The following PUS1 variants were observed in gnomAD, a reference collection of about 807,000 sequenced individuals.
The protein encoded by PUS1 is pseudouridylate synthase 1 homolog.
PUS1 carries 25 observed loss-of-function variants against 38.5 expected under a neutral mutation model. The ratio of observed to expected loss-of-function variants is 0.65; its 90% CI spans 0.47 to 0.91. The LOEUF is 0.91. PUS1 is among the 40% of genes least tolerant of loss of function. The pLI, the probability that PUS1 is intolerant of heterozygous loss-of-function variation, is 0.00. For missense variants in PUS1, 597 were observed against 612.3 expected, an observed-to-expected ratio of 0.97 and a Z score of 0.26; for synonymous variants, 282 against 260.4, an observed-to-expected ratio of 1.08 and a Z score of -0.80.
Position 131,929,997 on chromosome 12 carries a change from C to T in PUS1, c.165C>T (p.Gly55=), listed in dbSNP as rs780061373. 9.4e-6 allele frequency: 14 copies of T among 1,482,928 alleles called. No homozygotes were observed. The Admixed American group carries it at 1.8e-4, about 19-fold the overall frequency. 91.9% of individuals were successfully genotyped at this position (1,482,928 alleles called of 1,614,324 possible). A position where few individuals can be genotyped will look rare whatever the true frequency, so the allele number is the denominator to read the frequency against. ...DRRSCSGRAG[G]DRVWEDGEHP... ...GGTCCTGCAGCGGCCGGGCCGGGGG[C>T]GACCGCGTCTGGGAGGACGGAGAAC... is the stretch of plus-strand genomic sequence containing the variant. The change falls in exon 2 of 6, where the codon GGC becomes GGT. Residue 55 remains glycine (G), a synonymous_variant. Coordinates refer to ENST00000376649, the MANE Select transcript of PUS1 (RefSeq NM_025215.6).
At chr12:131,938,686 C>G (rs1890934263) in intron 3 of PUS1, among the ~76,000 whole-genome samples, 1 of 150,880 alleles carries the variant, frequency 6.6e-6, no homozygotes, top group Admixed American at 6.6e-5. Context: ...TTTCTCTTTT[C>G]CCCAATCTTT....
rs1323131993 is a variant in PUS1, at chr12:131,929,302, G to T, written c.-421G>T. 1 of 190,568 alleles carries T rather than the reference G, an allele frequency of 5.2e-6. No homozygotes were observed. Among genetic ancestry groups the T allele is most frequent in the Non-Finnish European group, 1.1e-5 (1 of 93,474 alleles). 11.8% of individuals were successfully genotyped at this position (190,568 alleles called of 1,614,324 possible). A position where few individuals can be genotyped will look rare whatever the true frequency, so the allele number is the denominator to read the frequency against. On this transcript the variant is annotated 5_prime_UTR_variant, in exon 1 of 6. The change creates a premature stop within an existing upstream ORF in the 5' untranslated region. Coordinates refer to ENST00000376649, the MANE Select transcript of PUS1 (RefSeq NM_025215.6). The stretch of plus-strand genomic sequence containing the variant: ...GTCAGCCGCGTCGCGAATGGGGCAG[G>T]AGCGAGCCTCTCTGGTCCCGACGCG...
In PUS1 at chr12:131,929,584, TC is replaced by T. The variant is rs945880625; in HGVS notation, c.-136del. ...CTGGAGAGGGGCTGGGGCGCCGGTT[TC>T]CCGGAGGTCAGGGGTCAGAAGGAAC... is the stretch of plus-strand genomic sequence containing the variant. On this transcript the variant is annotated 5_prime_UTR_variant, in exon 1 of 6. Transcript: ENST00000376649. The T allele has an allele frequency of 8.5e-6, 6 of 703,254 alleles. No individual in the cohort carries two copies. Among genetic ancestry groups the T allele is most frequent in the Non-Finnish European group, 1.1e-5 (5 of 461,036 alleles). 43.6% of individuals were successfully genotyped at this position (703,254 alleles called of 1,614,324 possible).
chr12:131,939,478 C>T (rs747907339), intron 4 of PUS1, among the ~76,000 whole-genome samples: 6 of 152,290 alleles, frequency 3.9e-5, no homozygotes, highest in Middle Eastern at 3.4e-3. Flanking sequence ...TGTTGCTACA[C>T]GGGCGCCTTG....
At chr12:131,936,343 A>G (rs1890832042) in intron 3 of PUS1, among the ~76,000 whole-genome samples, 1 of 152,066 alleles carries the variant, frequency 6.6e-6, no homozygotes, top group Non-Finnish European at 1.5e-5. Context: ...TGGGCGGATC[A>G]CCTGAGGTCA....
rs753674809 is a variant in PUS1, at chr12:131,941,913, A to G, written c.1166A>G (p.Gln389Arg). 4.5e-5 allele frequency: 72 copies of G among 1,613,160 alleles called. No individual in the cohort carries two copies. In the East Asian group the frequency reaches 1.4e-3, roughly 32 times the overall value. Residue 389 changes from glutamine to arginine, a missense_variant, in exon 5 of 6, where the codon CAG (glutamine) becomes CGG (arginine). Coordinates refer to ENST00000376649, the MANE Select transcript of PUS1 (RefSeq NM_025215.6). This position sits in a 1 kb window ranked among gnomAD's most constrained non-coding sequence, Gnocchi z 4.4. ...GAGCGGGACGAACGCTCCATGGCCC[A>G]GTGGCTGAGCACCTTGCCCATCCAC... is the stretch of plus-strand genomic sequence containing the variant. ...GTERDERSMA[Q>R]WLSTLPIHNF... is the part of the protein sequence containing the mutation.
Position 131,941,449 on chromosome 12 carries a change from G to C in PUS1, c.702G>C (p.Arg234Ser), listed in dbSNP as rs780957532. 8 of 1,612,978 alleles carry C rather than the reference G, an allele frequency of 5.0e-6. No homozygotes were observed. The highest frequency in any genetic ancestry group is 3.3e-5 in the Admixed American group (2 of 60,002). The stretch of plus-strand genomic sequence containing the variant: ...CCGAGACGCTGCAGCAGGTCAACAG[G>C]CTCCTGGCCTGCTACAAGGGCACGC... Reference protein sequence around the residue: ...LSAETLQQVNRLLACYKGTHN... With the variant: ...LSAETLQQVNSLLACYKGTHN... Residue 234 changes from arginine to serine, a missense_variant, in exon 5 of 6, where the codon AGG becomes AGC. By Grantham distance (110) the Arg-to-Ser change is moderately radical (BLOSUM62 -1). Transcript: ENST00000376649. This position sits in a 1 kb window ranked among gnomAD's most constrained non-coding sequence, Gnocchi z 4.4.
intron 5 of PUS1, 122 bp from the exon 6 acceptor site, chr12:131,943,417 T>A (rs1891174086): frequency 2.4e-6 from 2 of 824,138 alleles, no homozygotes; most frequent in East Asian, 2.5e-5. Flanking sequence ...CAGACTCTGC[T>A]CCTGATGAGG....
At chr12:131,929,851 C>T (rs1890505983) in intron 1 of PUS1, 55 bp downstream of exon 1, 6 of 1,481,692 alleles carry the variant, frequency 4.0e-6, no homozygotes, top group Non-Finnish European at 5.4e-6. Context: ...CAGCCCACCC[C>T]AGTCCACCCC....
At chr12:131,932,454 G>A in intron 3 of PUS1, 142 bp downstream of exon 3, 1 of 978,062 alleles carries the variant, frequency 1.0e-6, no homozygotes, top group Non-Finnish European at 1.6e-6. Flanking sequence ...TTATGTAGGT[G>A]AGACGTCCAG....
rs1890969235 is a variant in PUS1 at position 131,939,307 on chromosome 12, T to C, written c.544+32T>C. ...CTTGCAGTGCAGGCGGCCACACACC[T>C]GGTTGTAGATGGTCTTGCAGAGACA... On this transcript the variant is annotated intron_variant, in intron 4 of 5. Transcript: ENST00000376649. 2.3e-6 allele frequency: 3 copies of C among 1,323,392 alleles called. No individual in the cohort carries two copies. The East Asian group carries it at 7.5e-5, about 33-fold the overall frequency. 82.0% of individuals were successfully genotyped at this position (1,323,392 alleles called of 1,614,324 possible). A position where few individuals can be genotyped will look rare whatever the true frequency, so the allele number is the denominator to read the frequency against.
chr12:131,943,041 T>G (rs1306817283), intron 5 of PUS1, among the ~76,000 whole-genome samples: 1 of 152,236 alleles, frequency 6.6e-6, no homozygotes, highest in African/African-American at 2.4e-5. Flanking sequence ...TGTTGGAATG[T>G]GACAGTGACC....
chr12:131,929,757 T>A lies in PUS1; in HGVS notation c.35T>A (p.Phe12Tyr). The change falls in exon 1 of 6, where the codon TTC becomes TAC. Residue 12 changes from phenylalanine to tyrosine, a missense_variant. Physicochemically the swap from Phe to Tyr is conservative, Grantham distance 22 (BLOSUM62 3). Coordinates refer to ENST00000376649, the MANE Select transcript of PUS1 (RefSeq NM_025215.6). ...GLQLRALLGA[F>Y]GRWTLRLGPR... ...CAGCTTCGCGCGCTGTTGGGAGCCTTCGGACGGTGGACCCTGCGCCTGGGA... is the reference window on the plus strand; with the variant it reads ...CAGCTTCGCGCGCTGTTGGGAGCCTACGGACGGTGGACCCTGCGCCTGGGA... 6.3e-7 allele frequency: 1 copy of A among 1,592,626 alleles called. No homozygotes were observed.
At position 131,929,910 on chromosome 12, in the gene PUS1, GC is replaced by G; in HGVS notation, c.80del (p.Pro27ArgfsTer108). Reference protein sequence around the residue: ...LRLGPRPSCSPRMAGNAEPPP... With the variant: ...LRLGPRPSCSXRMAGNAEPPP... ...CTCACGCCGCCCTTCTCCGCAGCTC[GC>G]CGCGCATGGCCGGGAACGCGGAGCC... is the stretch of plus-strand genomic sequence containing the variant. On this transcript the variant is annotated frameshift_variant, in exon 2 of 6. Coordinates refer to ENST00000376649, the MANE Select transcript of PUS1 (RefSeq NM_025215.6). LOFTEE classifies it high-confidence loss of function. The G allele has an allele frequency of 1.4e-6, 2 of 1,455,192 alleles. No homozygotes were observed. The highest frequency in any genetic ancestry group is 1.8e-6 in the Non-Finnish European group (2 of 1,108,482). The allele number at this position is 1,455,192 out of a possible 1,614,324, so 90.1% of individuals were successfully genotyped here.
intron 2 of PUS1, chr12:131,931,970 C>T: frequency 1.5e-6 from 1 of 664,892 alleles, no homozygotes; most frequent in Non-Finnish European, 2.7e-6. Context: ...TCCACACTAC[C>T]CACCCCCTAG....
intron 3 of PUS1, chr12:131,934,825 T>C (rs1890752887): frequency 6.6e-6 from 1 of 152,236 alleles, no homozygotes; most frequent in South Asian, 2.1e-4. Context: ...GTCACATGGC[T>C]CTCAGGCTGC....
chr12:131,933,765 G>A (rs2136434135), intron 3 of PUS1, among the ~76,000 whole-genome samples: 1 of 152,350 alleles, frequency 6.6e-6, no homozygotes, highest in East Asian at 1.9e-4. Context: ...CAGGGCCTGT[G>A]GGTTTTCTCT....
chr12:131,942,627 T>G (rs146137058), intron 5 of PUS1, among the ~76,000 whole-genome samples: 3 of 152,126 alleles, frequency 2.0e-5, no homozygotes, highest in South Asian at 2.1e-4. Flanking sequence ...AGGATGGTCT[T>G]GATCTCCTGA....
Position 131,944,600 on chromosome 12 carries a change from C to T in PUS1, c.*1014C>T, listed in dbSNP as rs137979469. The T allele has an allele frequency of 3.6e-3, 555 of 152,494 alleles. 1 individual carries two copies. The highest frequency in any genetic ancestry group is 6.6e-3 in the South Asian group (32 of 4,842). 9.4% of individuals were successfully genotyped at this position (152,494 alleles called of 1,614,324 possible). Reference sequence around the variant, plus strand: ...GTGGAGGGCACTGAAGCAGGGGCCCCGCTGACCTGCCGCATCCCCGAGAGG... The same window carrying T: ...GTGGAGGGCACTGAAGCAGGGGCCCTGCTGACCTGCCGCATCCCCGAGAGG... On this transcript the variant is annotated 3_prime_UTR_variant, in exon 6 of 6. Coordinates refer to ENST00000376649, the MANE Select transcript of PUS1 (RefSeq NM_025215.6).
Sources: allele counts gnomAD v4.1 joint callset (sites outside exome capture counted in the v4.1 genomes callset), GRCh38; gene constraint gnomAD v4.1.1; non-coding constraint Gnocchi (gnomAD v3.1); transcripts MANE v1.5; gene names NCBI Gene and HGNC (gene_info 2026-07-23, HGNC 2026-07-21).